Variants in ATG7 observed in about 807,000 individuals in gnomAD.
The protein encoded by ATG7 is autophagy related 7.
Under a neutral mutation model 82.4 loss-of-function variants are expected in ATG7, and 70 were observed. That is an observed-to-expected ratio of 0.85 (90% confidence interval 0.70 to 1.04). ATG7 has a LOEUF of 1.04. Among genes scored for constraint, ATG7 ranks in the 50% least tolerant of loss-of-function variants. ATG7 has a pLI of 0.00. For missense variants in ATG7, 792 were observed against 864.3 expected (o/e 0.92, Z 1.05); for synonymous variants, 287 against 313.0 (o/e 0.92, Z 0.88).
intron 10 of ATG7, chr3:11,332,725 GTAGAAAGAAATCACC>G (rs972109569): frequency 7.0e-5 from 21 of 300,424 alleles, no homozygotes; most frequent in Middle Eastern, 9.5e-4. Context: ...CAATATGATT[GTAGAAAGAAATCACC>G]TAGAAAGAAA....
At chr3:11,321,465 T>C (rs1488237610) in intron 9 of ATG7, among the ~76,000 whole-genome samples, 1 of 152,184 alleles carries the variant, frequency 6.6e-6, no homozygotes, top group East Asian at 1.9e-4. Flanking sequence ...TTATCACTTA[T>C]CCTTACATGC....
chr3:11,304,096 G>GA (rs888828657), intron 5 of ATG7, among the ~76,000 whole-genome samples: 13 of 151,884 alleles, frequency 8.6e-5, no homozygotes, highest in African/African-American at 3.1e-4. Flanking sequence ...GTCTCAAAAA[G>GA]AAAAAAATGT....
Position 11,342,186 on chromosome 3 carries a change from G to T in ATG7, c.1032G>T (p.Leu344Phe), listed in dbSNP as rs774573859. 1 of 1,613,480 alleles carries T rather than the reference G, an allele frequency of 6.2e-7. No homozygotes were observed. Among genetic ancestry groups the T allele is most frequent in the East Asian group, 2.2e-5 (1 of 44,860 alleles). ...ATCTCAAACTGATGTGTTGGAGATTGGTTCCTACTTTAGACTTGGACAAGG... is the reference window on the plus strand; with the variant it reads ...ATCTCAAACTGATGTGTTGGAGATTTGTTCCTACTTTAGACTTGGACAAGG... ...DLNLKLMCWR[L>F]VPTLDLDKVV... The change falls in exon 13 of 21, where the codon TTG (leucine) becomes TTT (phenylalanine). Residue 344 changes from leucine (L) to phenylalanine (F), a missense_variant. Transcript: ENST00000693202.
intron 20 of ATG7, among the ~76,000 whole-genome samples, chr3:11,450,711 C>T (rs2152984283): frequency 6.6e-6 from 1 of 152,324 alleles, no homozygotes; most frequent in Non-Finnish European, 1.5e-5. Flanking sequence ...GCACATTAAG[C>T]TTCCTCTTTC....
rs750249318 is a variant in ATG7, at chr3:11,380,041, T to C, written c.1945T>C (p.Cys649Arg). The C allele has an allele frequency of 1.9e-6, 3 of 1,613,856 alleles. No individual in the cohort carries two copies. Among genetic ancestry groups the C allele is most frequent in the African/African-American group, 1.3e-5 (1 of 74,900 alleles). The change falls in exon 19 of 21, where the codon TGT (cysteine) becomes CGT (arginine). Residue 649 changes from cysteine (C) to arginine (R), a missense_variant. Transcript: ENST00000693202. The stretch of plus-strand genomic sequence containing the variant: ...CCTGGCATTTGACAAATGTACAGCT[T>C]GTTCTTCCAAAGTAAGTCATTTTGT... Reference protein sequence around the residue: ...VSLAFDKCTACSSKVLDQYER... With the variant: ...VSLAFDKCTARSSKVLDQYER...
rs565563806 is a variant in ATG7 at position 11,412,208 on chromosome 3, A to G, written c.1957-14596A>G. Among the ~76,000 whole-genome samples, 3 of 151,710 alleles carry G rather than the reference A, an allele frequency of 2.0e-5. No homozygotes were observed. The South Asian group carries it at 6.3e-4, about 32-fold the overall frequency. Reference sequence around the variant, plus strand: ...ATATGTAAGAAAATAAAAACTAGAGAGGGGTAAGGAAGCATCTGGTGCTGT... The same window carrying G: ...ATATGTAAGAAAATAAAAACTAGAGGGGGGTAAGGAAGCATCTGGTGCTGT... On this transcript the variant is annotated intron_variant, in intron 19 of 20. Transcript: ENST00000693202.
chr3:11,561,320 C>T (rs2072977912), downstream of ATG7, among the ~76,000 whole-genome samples: 1 of 151,994 alleles, frequency 6.6e-6, no homozygotes, highest in Non-Finnish European at 1.5e-5. Flanking sequence ...GCAGGAAAGG[C>T]CACTTCAGAA....
chr3:11,535,465 A>G (rs531361257), intron 20 of ATG7, among the ~76,000 whole-genome samples: 5,269 of 152,238 alleles, frequency 0.035, 106 homozygotes, highest in African/African-American at 0.054. Flanking sequence ...TGGCAATCAC[A>G]GGGGCCAGGC....
At chr3:11,548,149 C>T (rs2071446090) in intron 20 of ATG7, among the ~76,000 whole-genome samples, 1 of 152,108 alleles carries the variant, frequency 6.6e-6, no homozygotes, top group Admixed American at 6.5e-5. Flanking sequence ...TGGACTTTTG[C>T]CACATTTTTA....
intron 14 of ATG7, among the ~76,000 whole-genome samples, chr3:11,357,899 C>T (rs1473866889): frequency 6.6e-6 from 1 of 151,280 alleles, no homozygotes; most frequent in Admixed American, 6.6e-5. Context: ...GTCCCAGCTA[C>T]TTGGGAAGCT....
rs56859088 is a variant in ATG7, at chr3:11,433,289, TAAAAAAAAAAAAAA to T, written c.2079+6376_2079+6389del. ...ACAGAGCAAGACCCTGTCTCTTATT[TAAAAAAAAAAAAAA>T]AAAAAAAAAAAAGCTGCGTTTGTTG... On this transcript the variant is annotated intron_variant, in intron 20 of 20. Transcript: ENST00000693202. Among the ~76,000 whole-genome samples, 11 of 83,810 alleles carry T rather than the reference TAAAAAAAAAAAAAA, an allele frequency of 1.3e-4. No homozygotes were observed. In the East Asian group the frequency reaches 2.6e-3, roughly 20 times the overall value. 55.0% of individuals were successfully genotyped at this position (83,810 alleles called of 152,430 possible).
intron 20 of ATG7, among the ~76,000 whole-genome samples, chr3:11,469,538 C>T (rs1267645496): frequency 6.6e-6 from 1 of 152,118 alleles, no homozygotes; most frequent in Non-Finnish European, 1.5e-5. Flanking sequence ...AAATGTTCAT[C>T]TCCATACTCT....
chr3:11,397,234 T>A (rs1450832360), intron 19 of ATG7, among the ~76,000 whole-genome samples: 4 of 152,188 alleles, frequency 2.6e-5, no homozygotes, highest in Non-Finnish European at 5.9e-5. Context: ...ATTTTAGTAT[T>A]GAATTTTCAA....
intron 9 of ATG7, among the ~76,000 whole-genome samples, chr3:11,325,148 T>C (rs895279944): frequency 6.6e-6 from 1 of 152,122 alleles, no homozygotes; most frequent in Non-Finnish European, 1.5e-5. Context: ...GGCTATACAA[T>C]CTAGGTTTGT....
intron 13 of ATG7, among the ~76,000 whole-genome samples, chr3:11,344,850 TAAA>T (rs1954250008): frequency 6.6e-6 from 1 of 151,964 alleles, no homozygotes; most frequent in Admixed American, 6.6e-5. Context: ...GCCTGCGTGA[TAAA>T]GCAAGACACT....
At position 11,333,013 on chromosome 3, in the gene ATG7, A is replaced by C. The variant is rs1951867471; in HGVS notation, c.809A>C (p.Asp270Ala). The change falls in exon 11 of 21, where the codon GAC becomes GCC. Residue 270 changes from aspartate to alanine, a missense_variant. Asp to Ala is a moderately radical substitution (Grantham distance 126). Transcript: ENST00000693202. ...FQSVEVVCFR[D>A]RTMQGARDVA... ...TCTGTTGAAGTTGTTTGCTTCCGTGACCGTACCATGCAGGGGGCGAGAGAC... is the reference window on the plus strand; with the variant it reads ...TCTGTTGAAGTTGTTTGCTTCCGTGCCCGTACCATGCAGGGGGCGAGAGAC... 1.9e-6 allele frequency: 3 copies of C among 1,576,204 alleles called. No homozygotes were observed. Among genetic ancestry groups the C allele is most frequent in the Non-Finnish European group, 2.6e-6 (3 of 1,160,712 alleles).
In ATG7 at chr3:11,472,483, T is replaced by C. The variant is rs76722452; in HGVS notation, c.2079+45557T>C. 5.9e-5 allele frequency among the ~76,000 whole-genome samples: 9 copies of C among 152,208 alleles called. No individual in the cohort carries two copies. The East Asian group carries it at 1.5e-3, about 26-fold the overall frequency. On this transcript the variant is annotated intron_variant, in intron 20 of 20. Coordinates refer to ENST00000693202, the MANE Select transcript of ATG7 (RefSeq NM_001349232.2). ...TGGTCGGATCTGGGATATATTCTTATCTCTAGGGTTAGGGGTGGAATAGTC... is the reference window on the plus strand; with the variant it reads ...TGGTCGGATCTGGGATATATTCTTACCTCTAGGGTTAGGGGTGGAATAGTC...
intron 20 of ATG7, among the ~76,000 whole-genome samples, chr3:11,447,526 C>A (rs1335194629): frequency 6.6e-6 from 1 of 151,916 alleles, no homozygotes; most frequent in African/African-American, 2.4e-5. Flanking sequence ...GAAATCTGGG[C>A]TTCAAGGACT....
chr3:11,568,982 C>A, the ATG7 span: 5 of 1,131,722 alleles, frequency 4.4e-6, no homozygotes, highest in African/African-American at 1.6e-5. The surrounding 1 kb of genome is among the most constrained non-coding windows in gnomAD (Gnocchi z 5.9). Flanking sequence ...GAAAGAGAGG[C>A]CTACAACACC....
Sources: allele counts gnomAD v4.1 joint callset (sites outside exome capture counted in the v4.1 genomes callset), GRCh38; gene constraint gnomAD v4.1.1; non-coding constraint Gnocchi (gnomAD v3.1); transcripts MANE v1.5; gene names NCBI Gene and HGNC (gene_info 2026-07-23, HGNC 2026-07-21).